The following ZNF814 variants were observed in gnomAD, a reference collection of about 807,000 sequenced individuals.
ZNF814 encodes zinc finger protein 814.
In ZNF814, 5 loss-of-function variants were observed where a neutral mutation model predicts 7.5. The observed-to-expected ratio is 0.67, with a 90% CI of 0.35 to 1.40. ZNF814 has a LOEUF of 1.40. Among genes scored for constraint, ZNF814 ranks in the 40% most tolerant of loss-of-function variants. ZNF814 has a pLI of 0.04. For missense variants in ZNF814, 962 were observed against 1,018.0 expected (o/e 0.94, Z 0.75); for synonymous variants, 315 against 340.7 (o/e 0.92, Z 0.83).
chr19:57,877,846 CAT>C (rs933311308), intron 1 of ZNF814, among the ~76,000 whole-genome samples: 3 of 152,224 alleles, frequency 2.0e-5, no homozygotes, highest in Admixed American at 6.5e-5. Flanking sequence ...ATATTCTACA[CAT>C]GTCATCAAGA....
At chr19:57,894,702 C>T in the ZNF814 span, among the ~76,000 whole-genome samples, 45,968 of 151,204 alleles carry the variant, frequency 0.3, 8,187 homozygotes, top group South Asian at 0.47. Flanking sequence ...GGCGTGGTGG[C>T]GGGTGCCTGT....
intron 1 of ZNF814, among the ~76,000 whole-genome samples, chr19:57,882,838 T>G (rs1357175649): frequency 3.3e-5 from 5 of 151,256 alleles, no homozygotes; most frequent in Admixed American, 1.3e-4. Context: ...CCTAACTGTT[T>G]AATGCCCAGA....
At chr19:57,902,656 T>C in the ZNF814 span, among the ~76,000 whole-genome samples, 1 of 151,944 alleles carries the variant, frequency 6.6e-6, no homozygotes, top group Non-Finnish European at 1.5e-5. Flanking sequence ...GTAGGAAATA[T>C]TACTCTTCTT....
chr19:57,900,839 A>ATTTTTTTTTTTTTTTTTTTTTT, the ZNF814 span, among the ~76,000 whole-genome samples: 176 of 45,770 alleles, frequency 3.8e-3, 58 homozygotes, highest in East Asian at 5.4e-3. Flanking sequence ...CCATGGCTGC[A>ATTTTTTTTTTTTTTTTTTTTTT]TTTTTTTTTT....
At chr19:57,895,183 G>C in the ZNF814 span, among the ~76,000 whole-genome samples, 48 of 152,206 alleles carry the variant, frequency 3.2e-4, no homozygotes, top group Non-Finnish European at 6.0e-4. Flanking sequence ...CTAACTCTTA[G>C]GAAGGACTAA....
chr19:57,895,578 G>A, the ZNF814 span, among the ~76,000 whole-genome samples: 1 of 151,916 alleles, frequency 6.6e-6, no homozygotes, highest in Non-Finnish European at 1.5e-5. Flanking sequence ...ACCTGGCCAC[G>A]TCCTTGCCTT....
chr19:57,875,744 T>G (rs188207938), intron 2 of ZNF814, among the ~76,000 whole-genome samples: 1 of 152,126 alleles, frequency 6.6e-6, no homozygotes, highest in Admixed American at 6.5e-5. Context: ...GGGTACAAGT[T>G]CATGTACAAG....
intron 1 of ZNF814, among the ~76,000 whole-genome samples, chr19:57,878,192 A>C (rs2071622921): frequency 6.7e-6 from 1 of 149,448 alleles, no homozygotes; most frequent in African/African-American, 2.5e-5. Flanking sequence ...AAAAAAATCA[A>C]ATATATTAAC....
the ZNF814 span, among the ~76,000 whole-genome samples, chr19:57,900,838 C>CTT: frequency 1.8e-5 from 1 of 56,430 alleles, no homozygotes; most frequent in African/African-American, 5.2e-5. Context: ...GCCATGGCTG[C>CTT]ATTTTTTTTT....
chr19:57,873,149 A>G lies in ZNF814; in HGVS notation c.2241T>C (p.Asn747=). Residue 747 remains asparagine (N), a synonymous_variant, in exon 3 of 3, where the codon AAT becomes AAC. Transcript: ENST00000435989. Reference sequence around the variant, plus strand: ...TGTGGGTAAATGATTTTCCACAATCATTGCATTCATAAGGCCTTTCTCCAG... The same window carrying G: ...TGTGGGTAAATGATTTTCCACAATCGTTGCATTCATAAGGCCTTTCTCCAG... The part of the protein sequence containing the change: ...VHTGERPYEC[N]DCGKSFTHSS... 6.2e-7 allele frequency: 1 copy of G among 1,613,316 alleles called. No homozygotes were observed. Among genetic ancestry groups the G allele is most frequent in the Non-Finnish European group, 8.5e-7 (1 of 1,179,808 alleles).
chr19:57,892,139 G>C (rs910477381), upstream of ZNF814, among the ~76,000 whole-genome samples: 1 of 152,132 alleles, frequency 6.6e-6, no homozygotes, highest in Non-Finnish European at 1.5e-5. Context: ...GACCACCCTG[G>C]GCACATGTTC....
intron 1 of ZNF814, among the ~76,000 whole-genome samples, chr19:57,883,642 CAGAG>C (rs1568521028): frequency 7.5e-6 from 1 of 133,632 alleles, no homozygotes; most frequent in South Asian, 2.4e-4. Flanking sequence ...GCCTGGGTGA[CAGAG>C]AGAGACCCTG....
the ZNF814 span, among the ~76,000 whole-genome samples, chr19:57,903,916 A>T: frequency 6.6e-6 from 1 of 152,204 alleles, no homozygotes; most frequent in Non-Finnish European, 1.5e-5. Flanking sequence ...GAGTCTTGGA[A>T]CATGTCCTGG....
intron 1 of ZNF814, among the ~76,000 whole-genome samples, chr19:57,880,707 AG>A (rs1390582797): frequency 6.9e-6 from 1 of 145,948 alleles, no homozygotes; most frequent in East Asian, 2.1e-4. Flanking sequence ...CCGGGGTTCA[AG>A]CAATTCTCCC....
At position 57,871,112 on chromosome 19, in the gene ZNF814, T is replaced by A. The variant is rs1204428309; in HGVS notation, c.*1710A>T. ...GATAGCATTACAATCTGTGATGTTA[T>A]CCTACAGAATTCTGGATATCAGGGC... On this transcript the variant is annotated 3_prime_UTR_variant, in exon 3 of 3. Coordinates refer to ENST00000435989, the MANE Select transcript of ZNF814 (RefSeq NM_001144989.2). The A allele has an allele frequency of 1.3e-5, 2 of 152,236 alleles. No homozygotes were observed. The highest frequency in any genetic ancestry group is 4.8e-5 in the African/African-American group (2 of 41,464). 9.4% of individuals were successfully genotyped at this position (152,236 alleles called of 1,614,324 possible).
At chr19:57,899,173 C>CG in the ZNF814 span, among the ~76,000 whole-genome samples, 1 of 152,094 alleles carries the variant, frequency 6.6e-6, no homozygotes. Context: ...AAAGAATCAG[C>CG]GGATACCATT....
At position 57,875,137 on chromosome 19, in the gene ZNF814, C is replaced by G. The variant is rs575379804; in HGVS notation, c.253G>C (p.Gly85Arg). The change falls in exon 3 of 3, where the codon GGT (glycine) becomes CGT (arginine). Residue 85 changes from glycine (G) to arginine (R), a missense_variant. Transcript: ENST00000435989. The stretch of plus-strand genomic sequence containing the variant: ...GGGTGGGCCTTCTTGGGAGACACAC[C>G]TGCCATAGGAGTCCTGACCTGAGTC... ...RETQVRTPMA[G>R]VSPKKAHPCE... The G allele has an allele frequency of 3.9e-4, 606 of 1,559,522 alleles. No individual in the cohort carries two copies. The Middle Eastern group carries it at 4.7e-3, about 12-fold the overall frequency.
upstream of ZNF814, among the ~76,000 whole-genome samples, chr19:57,891,589 C>T (rs2071735158): frequency 6.6e-6 from 1 of 151,550 alleles, no homozygotes. Context: ...TGGTGGCTCA[C>T]CCCTGGAATC....
chr19:57,903,796 C>T, the ZNF814 span, among the ~76,000 whole-genome samples: 146 of 152,304 alleles, frequency 9.6e-4, 1 homozygote, highest in African/African-American at 3.4e-3. Flanking sequence ...GGAGAGAAAG[C>T]CGCTGCCAAG....
Sources: gnomAD v4.1 joint callset for allele counts (sites outside exome capture counted in the v4.1 genomes callset) on GRCh38, gnomAD v4.1.1 for gene constraint, MANE v1.5 for transcripts, NCBI Gene and HGNC (gene_info 2026-07-23, HGNC 2026-07-21) for gene names.